The following STAC variants were observed in gnomAD, a reference collection of about 807,000 sequenced individuals.
The protein encoded by STAC is SH3 and cysteine rich domain.
Under a neutral mutation model 48.8 loss-of-function variants are expected in STAC, and 43 were observed. The observed-to-expected ratio is 0.88, with a 90% CI of 0.69 to 1.14. STAC has a LOEUF of 1.14. Ranked by LOEUF, STAC falls within the 50% of genes most tolerant of loss-of-function variation. The pLI is 0.00. For synonymous variants in STAC, 193 were observed against 179.5 expected (o/e 1.07, Z -0.60); for missense variants, 497 against 504.0 (o/e 0.99, Z 0.13).
intron 5 of STAC, 103 bp downstream of exon 5, chr3:36,486,352 C>A: frequency 1.0e-6 from 1 of 963,876 alleles, no homozygotes; most frequent in Non-Finnish European, 1.5e-6. Context: ...CTCATGAGGG[C>A]AGGTCTGCAG....
In STAC at chr3:36,493,133, T is replaced by C. The variant is rs773245588; in HGVS notation, c.688-18T>C. ...ATATAACATTGTTCATCCCATGCTC[T>C]TTCTTCTTTCCTCCAAGACTTCAGA... On this transcript the variant is annotated intron_variant, in intron 5 of 10. Transcript: ENST00000273183. The C allele has an allele frequency of 2.3e-6, 3 of 1,316,464 alleles. No individual in the cohort carries two copies. Among genetic ancestry groups the C allele is most frequent in the Non-Finnish European group, 3.0e-6 (3 of 987,354 alleles). 81.5% of individuals were successfully genotyped at this position (1,316,464 alleles called of 1,614,324 possible).
chr3:36,493,521 TAA>T (rs1179887267), intron 6 of STAC, among the ~76,000 whole-genome samples: 6 of 152,078 alleles, frequency 3.9e-5, no homozygotes, highest in African/African-American at 1.4e-4. Flanking sequence ...TATTGGGGTT[TAA>T]GAGTCGCTTC....
At chr3:36,439,280 G>C (rs1236498469) in intron 1 of STAC, among the ~76,000 whole-genome samples, 1 of 152,264 alleles carries the variant, frequency 6.6e-6, no homozygotes, top group Middle Eastern at 3.4e-3. Flanking sequence ...AGGTCGCCTG[G>C]TGAAGCACTT....
intron 8 of STAC, among the ~76,000 whole-genome samples, chr3:36,513,092 C>T (rs541600608): frequency 7.9e-5 from 12 of 152,250 alleles, no homozygotes; most frequent in Admixed American, 3.3e-4. Flanking sequence ...AAGACAAAGA[C>T]GACCCAACTG....
intron 10 of STAC, among the ~76,000 whole-genome samples, chr3:36,530,085 A>G (rs1271995317): frequency 6.6e-6 from 1 of 152,106 alleles, no homozygotes; most frequent in Non-Finnish European, 1.5e-5. Flanking sequence ...GTGCCACTGC[A>G]CTCCAGCCTG....
intron 10 of STAC, among the ~76,000 whole-genome samples, chr3:36,530,088 C>G (rs935432321): frequency 5.3e-5 from 8 of 152,102 alleles, no homozygotes; most frequent in Non-Finnish European, 7.4e-5. Flanking sequence ...CCACTGCACT[C>G]CAGCCTGGTT....
At position 36,529,003 on chromosome 3, in the gene STAC, A is replaced by G. The variant is rs754633520; in HGVS notation, c.1110+18A>G. 5.7e-6 allele frequency: 9 copies of G among 1,585,734 alleles called. No homozygotes were observed. The highest frequency in any genetic ancestry group is 1.4e-5 in the African/African-American group (1 of 73,954). ...AGAATCAGGTGAGTAAACCACACAAACACATTCCAGATATGAGCCAAATAG... is the reference window on the plus strand; with the variant it reads ...AGAATCAGGTGAGTAAACCACACAAGCACATTCCAGATATGAGCCAAATAG... On this transcript the variant is annotated intron_variant, in intron 10 of 10. Coordinates refer to ENST00000273183, the MANE Select transcript of STAC (RefSeq NM_003149.3).
At chr3:36,513,339 C>T (rs1375134113) in intron 8 of STAC, among the ~76,000 whole-genome samples, 2 of 152,216 alleles carry the variant, frequency 1.3e-5, no homozygotes, top group African/African-American at 2.4e-5. Flanking sequence ...TCTGCCCAGG[C>T]CTCAAGCCAG....
chr3:36,420,448 C>T (rs1474808923), intron 1 of STAC, among the ~76,000 whole-genome samples: 1 of 152,190 alleles, frequency 6.6e-6, no homozygotes, highest in Non-Finnish European at 1.5e-5. Context: ...CTGTTAGGAA[C>T]CGGGCTACAC....
intron 8 of STAC, among the ~76,000 whole-genome samples, chr3:36,507,353 C>A (rs1274983242): frequency 1.3e-5 from 2 of 152,168 alleles, no homozygotes; most frequent in Non-Finnish European, 2.9e-5. Context: ...CATCGATGTT[C>A]ATCAGGGATA....
rs531400843 is a variant in STAC, at chr3:36,443,500, C to T, written c.248C>T (p.Ser83Phe). The T allele has an allele frequency of 8.7e-6, 14 of 1,614,236 alleles. No homozygotes were observed. In the African/African-American group the frequency reaches 1.9e-4, roughly 22 times the overall value. The part of the protein sequence containing the change: ...AHMVAEISPS[S>F]SPLPAPGSLT... Reference sequence around the variant, plus strand: ...ATGGTGGCTGAGATCAGCCCCAGCTCCAGCCCACTCCCTGCTCCAGGAAGC... The same window carrying T: ...ATGGTGGCTGAGATCAGCCCCAGCTTCAGCCCACTCCCTGCTCCAGGAAGC... Residue 83 changes from serine to phenylalanine, a missense_variant, in exon 2 of 11, where the codon TCC becomes TTC. Transcript: ENST00000273183. The surrounding 1 kb of genome is among the most constrained non-coding windows in gnomAD (Gnocchi z 4.2).
chr3:36,410,634 C>T lies in STAC; in HGVS notation c.111+29880C>T, dbSNP rs73059936. Among the ~76,000 whole-genome samples, 45 of 152,212 alleles carry T rather than the reference C, an allele frequency of 3.0e-4. No individual in the cohort carries two copies. In the East Asian group the frequency reaches 3.1e-3, roughly 10 times the overall value. On this transcript the variant is annotated intron_variant, in intron 1 of 10. Transcript: ENST00000273183. ...TTTGGAGAAAAGCTTAAAGGATATC[C>T]GTTCTTTTTGCTGTCTATATTAAAT...
At chr3:36,534,053 T>C (rs1332164328) in intron 10 of STAC, among the ~76,000 whole-genome samples, 1 of 152,200 alleles carries the variant, frequency 6.6e-6, no homozygotes, top group African/African-American at 2.4e-5. Context: ...TCAAAATTTG[T>C]CTCCACTTTA....
At chr3:36,454,317 C>T (rs1380877147) in intron 2 of STAC, among the ~76,000 whole-genome samples, 2 of 152,094 alleles carry the variant, frequency 1.3e-5, no homozygotes, top group African/African-American at 4.8e-5. Flanking sequence ...GAGGAAGGAA[C>T]AACTCCAGAC....
intron 1 of STAC, among the ~76,000 whole-genome samples, chr3:36,393,111 G>A (rs1575171281): frequency 6.6e-6 from 1 of 152,062 alleles, no homozygotes; most frequent in African/African-American, 2.4e-5. Context: ...CCCACTCTGT[G>A]GCTACCATCT....
chr3:36,439,662 T>C (rs185249624), intron 1 of STAC, among the ~76,000 whole-genome samples: 71 of 152,270 alleles, frequency 4.7e-4, no homozygotes, highest in Non-Finnish European at 1.0e-4. Flanking sequence ...TAAGCCTCCC[T>C]TCCTCCAGCA....
intron 2 of STAC, among the ~76,000 whole-genome samples, chr3:36,445,891 T>G (rs1303658554): frequency 6.6e-6 from 1 of 152,168 alleles, no homozygotes; most frequent in Non-Finnish European, 1.5e-5. Flanking sequence ...AAAAATAAAA[T>G]GAACCTGACA....
chr3:36,518,222 C>T (rs1698720301), intron 8 of STAC, among the ~76,000 whole-genome samples: 1 of 152,036 alleles, frequency 6.6e-6, no homozygotes, highest in Non-Finnish European at 1.5e-5. Flanking sequence ...AACATAAACT[C>T]CTAAAACATC....
intron 8 of STAC, among the ~76,000 whole-genome samples, chr3:36,515,689 G>A (rs955537795): frequency 4.6e-5 from 7 of 152,058 alleles, no homozygotes; most frequent in Admixed American, 3.3e-4. Flanking sequence ...AGTAGAGGAA[G>A]CAGTCAGATT....
Sources: gnomAD v4.1 joint callset for allele counts (sites outside exome capture counted in the v4.1 genomes callset) on GRCh38, gnomAD v4.1.1 for gene constraint, Gnocchi (gnomAD v3.1) non-coding constraint, MANE v1.5 for transcripts, NCBI Gene and HGNC (gene_info 2026-07-23, HGNC 2026-07-21) for gene names.